The following JAKMIP3 variants were observed in gnomAD, a reference collection of about 807,000 sequenced individuals.
The protein encoded by JAKMIP3 is Janus kinase and microtubule interacting protein 3, also known as janus kinase and microtubule-interacting protein 3.
In JAKMIP3, 58 loss-of-function variants were observed where a neutral mutation model predicts 118.5. The ratio of observed to expected loss-of-function variants is 0.49; its 90% CI spans 0.40 to 0.61. The LOEUF is 0.61. JAKMIP3 is among the 20% of genes least tolerant of loss of function. The pLI, the probability that JAKMIP3 is intolerant of heterozygous loss-of-function variation, is 0.00. For missense variants in JAKMIP3, 950 were observed against 1,109.0 expected (o/e 0.86, Z 2.04); for synonymous variants, 486 against 451.2 (o/e 1.08, Z -0.98).
At chr10:132,124,975 C>T (rs878873052) in intron 3 of JAKMIP3, among the ~76,000 whole-genome samples, 2 of 152,244 alleles carry the variant, frequency 1.3e-5, no homozygotes, top group Non-Finnish European at 2.9e-5. Context: ...TCTTCCCTGC[C>T]ATTAAGCCAG....
At chr10:132,084,733 A>G (rs2042171567) in intron 1 of JAKMIP3, among the ~76,000 whole-genome samples, 1 of 152,158 alleles carries the variant, frequency 6.6e-6, no homozygotes, top group Non-Finnish European at 1.5e-5. Context: ...CTTTTAATAC[A>G]TTGAGTTATG....
At chr10:132,169,461 C>T (rs113742004) in intron 23 of JAKMIP3, among the ~76,000 whole-genome samples, 4,151 of 152,324 alleles carry the variant, frequency 0.027, 210 homozygotes, top group African/African-American at 0.095. Flanking sequence ...GGAGGCGACT[C>T]TGGGTGCTCC....
At chr10:132,181,081 T>C (rs1410837786) in intron 23 of JAKMIP3, 6 of 151,642 alleles carry the variant, frequency 4.0e-5, no homozygotes, top group Admixed American at 3.9e-4. Context: ...GCACATGTAG[T>C]GTGTGTGTGT....
At chr10:132,128,565 T>A (rs1441834210) in intron 3 of JAKMIP3, among the ~76,000 whole-genome samples, 1 of 152,178 alleles carries the variant, frequency 6.6e-6, no homozygotes, top group Non-Finnish European at 1.5e-5. Context: ...ACCTTACATT[T>A]TTCTTGAGCT....
chr10:132,090,265 G>A (rs569016770), intron 1 of JAKMIP3, among the ~76,000 whole-genome samples: 5 of 152,348 alleles, frequency 3.3e-5, no homozygotes, highest in South Asian at 2.1e-4. Context: ...CTGTTGATTG[G>A]AATAGTTTCG....
intron 23 of JAKMIP3, among the ~76,000 whole-genome samples, chr10:132,175,803 A>G (rs2818425): frequency 0.82 from 125,306 of 152,238 alleles, 51,716 homozygotes; most frequent in East Asian, 0.96. Flanking sequence ...CATGGCCATC[A>G]TGCATGATGG....
At chr10:132,136,624 C>A (rs1406381170) in intron 6 of JAKMIP3, among the ~76,000 whole-genome samples, 2 of 152,228 alleles carry the variant, frequency 1.3e-5, no homozygotes, top group Non-Finnish European at 2.9e-5. Flanking sequence ...GCTCTCCTTA[C>A]CCCTCTCTAT....
At chr10:132,071,848 T>TCCTTC (rs1484424729) in intron 1 of JAKMIP3, among the ~76,000 whole-genome samples, 1 of 126,754 alleles carries the variant, frequency 7.9e-6, no homozygotes, top group Non-Finnish European at 1.6e-5. Context: ...TTCCTTTCTT[T>TCCTTC]CTTTCCTTTC....
chr10:132,180,730 CGTGTGTGCGTGCGT>C lies in JAKMIP3; in HGVS notation c.*1104-1625_*1104-1612del, dbSNP rs2061170049. ...GTGCGCGTGTGTGTGCGTGTGTGTGCGTGTGTGCGTGCGTGCGCGCGCGTGTGTGCGTGTGTGTG... is the reference window on the plus strand; with the variant it reads ...GTGCGCGTGTGTGTGCGTGTGTGTGCGCGCGCGCGTGTGTGCGTGTGTGTG... On this transcript the variant is annotated intron_variant, in intron 23 of 23. Transcript: ENST00000684848. 2.5e-3 allele frequency among the ~76,000 whole-genome samples: 22 copies of C among 8,674 alleles called. 10 individuals are homozygous for C. Among genetic ancestry groups the C allele is most frequent in the South Asian group, 0.025 (8 of 320 alleles). The allele number at this position is 8,674 out of a possible 152,430, so 5.7% of individuals were successfully genotyped here.
intron 8 of JAKMIP3, 90 bp downstream of exon 8, chr10:132,137,379 C>A: frequency 6.6e-7 from 1 of 1,518,840 alleles, no homozygotes; most frequent in South Asian, 1.1e-5. Flanking sequence ...TCCTCACAGA[C>A]CAGACAGAAG....
intron 1 of JAKMIP3, among the ~76,000 whole-genome samples, chr10:132,068,345 T>C (rs1200038005): frequency 6.6e-6 from 1 of 152,150 alleles, no homozygotes; most frequent in Non-Finnish European, 1.5e-5. Flanking sequence ...GGCTGGATGG[T>C]GGTGTTAATT....
chr10:132,047,137 G>T (rs1447931127), intron 1 of JAKMIP3, among the ~76,000 whole-genome samples: 1 of 152,120 alleles, frequency 6.6e-6, no homozygotes, highest in Non-Finnish European at 1.5e-5. Context: ...TCCTCCTAAA[G>T]TGCTGGGGTT....
chr10:132,139,093 T>G (rs2052556617), intron 9 of JAKMIP3, among the ~76,000 whole-genome samples: 2 of 108,464 alleles, frequency 1.8e-5, no homozygotes, highest in South Asian at 3.2e-4. Context: ...TGTGAGTGCG[T>G]GTATGTGTGT....
intron 13 of JAKMIP3, among the ~76,000 whole-genome samples, chr10:132,146,081 C>A (rs1589943703): frequency 6.6e-6 from 1 of 152,172 alleles, no homozygotes; most frequent in Non-Finnish European, 1.5e-5. Flanking sequence ...GGCCCAGGTC[C>A]AGGCTCTCTT....
chr10:132,072,761 AATTTTT>A (rs1442448640), intron 1 of JAKMIP3, among the ~76,000 whole-genome samples: 4 of 151,642 alleles, frequency 2.6e-5, no homozygotes, highest in African/African-American at 9.7e-5. Context: ...CTCTTTTTAA[AATTTTT>A]ATTTTTATTT....
chr10:132,133,438 C>A lies in JAKMIP3; in HGVS notation c.760C>A (p.Arg254=). 1 of 1,589,622 alleles carries A rather than the reference C, an allele frequency of 6.3e-7. No homozygotes were observed. Among genetic ancestry groups the A allele is most frequent in the Non-Finnish European group, 8.6e-7 (1 of 1,168,608 alleles). The part of the protein sequence containing the change: ...EALDEQLSQV[R]EADRHPGSPR... ...TCTAGATGAGCAGCTGTCCCAGGTC[C>A]GAGAGGCCGACCGGCACCCGGGCAG... The change falls in exon 4 of 24, where the codon CGA becomes AGA. Residue 254 remains arginine, a synonymous_variant. Coordinates refer to ENST00000684848, the MANE Select transcript of JAKMIP3 (RefSeq NM_001323087.2).
chr10:132,123,363 A>G (rs371165314), intron 3 of JAKMIP3, among the ~76,000 whole-genome samples: 5 of 152,244 alleles, frequency 3.3e-5, no homozygotes, highest in African/African-American at 1.2e-4. Flanking sequence ...AAGACTCTCT[A>G]AATCCAAAGA....
At chr10:132,109,291 A>C (rs917666770) in intron 2 of JAKMIP3, among the ~76,000 whole-genome samples, 1 of 152,102 alleles carries the variant, frequency 6.6e-6, no homozygotes, top group Non-Finnish European at 1.5e-5. Flanking sequence ...TGACAGAGCA[A>C]GACTGTCTCA....
chr10:132,147,105 A>G (rs561904758), intron 13 of JAKMIP3, among the ~76,000 whole-genome samples: 78 of 152,370 alleles, frequency 5.1e-4, no homozygotes, highest in African/African-American at 1.8e-3. Flanking sequence ...CACTGGGTGC[A>G]GATCACATTC....
Sources: gnomAD v4.1 joint callset for allele counts (sites outside exome capture counted in the v4.1 genomes callset) on GRCh38, gnomAD v4.1.1 for gene constraint, MANE v1.5 for transcripts, NCBI Gene and HGNC (gene_info 2026-07-23, HGNC 2026-07-21) for gene names.